The following ADCY3 variants were observed in gnomAD, a reference collection of about 807,000 sequenced individuals.
ADCY3 encodes the protein adenylate cyclase type 3.
A neutral mutation model predicts 119.4 loss-of-function variants in ADCY3; 70 were observed. That is an observed-to-expected ratio of 0.59 (90% CI 0.48 to 0.72). The LOEUF (loss-of-function observed/expected upper bound fraction) is 0.72. Among genes scored for constraint, ADCY3 ranks in the 30% least tolerant of loss-of-function variants. ADCY3 has a pLI of 0.00. For synonymous variants in ADCY3, 672 were observed against 621.4 expected (o/e 1.08, Z -1.21); for missense variants, 1,238 against 1,541.6 (o/e 0.80, Z 3.30).
At chr2:24,821,830 G>T in intron 19 of ADCY3, 190 bp from the exon 20 acceptor site, 1 of 780,310 alleles carries the variant, frequency 1.3e-6, no homozygotes. Context: ...TCACGTAGCA[G>T]GTCTAGGCAA....
Position 24,821,519 on chromosome 2 carries a change from A to G in ADCY3, c.3125T>C (p.Ile1042Thr), listed in dbSNP as rs752934161. The change falls in exon 20 of 22, where the codon ATA becomes ACA. Residue 1042 changes from isoleucine (I) to threonine (T), a missense_variant and splice_region_variant. Physicochemically the swap from Ile to Thr is moderately conservative, Grantham distance 89. This residue lies in a region of ADCY3 where 43 missense variants were observed against 77.0 expected (regional missense o/e 0.56). Transcript: ENST00000679454. ...GCAGGCCAGCTGGGGGTGCTCACCTATGCGCAGCATGAAGTTATTGAAGGA... is the reference window on the plus strand; with the variant it reads ...GCAGGCCAGCTGGGGGTGCTCACCTGTGCGCAGCATGAAGTTATTGAAGGA... ...NQSFNNFMLR[I>T]GMNKGGVLAG... 20 of 1,613,894 alleles carry G rather than the reference A, an allele frequency of 1.2e-5. No individual in the cohort carries two copies. In the South Asian group the frequency reaches 1.3e-4, roughly 11 times the overall value.
chr2:24,824,333 G>A, intron 17 of ADCY3, 45 bp downstream of exon 17: 5 of 1,601,524 alleles, frequency 3.1e-6, no homozygotes, highest in South Asian at 1.1e-5. Flanking sequence ...AGAACAGATG[G>A]AGACAAATGG....
intron 3 of ADCY3, among the ~76,000 whole-genome samples, chr2:24,849,060 C>T (rs558652746): frequency 1.3e-5 from 2 of 152,182 alleles, no homozygotes; most frequent in East Asian, 3.9e-4. Flanking sequence ...CAGGGAGGGA[C>T]GTGGAACGTG....
At chr2:24,861,077 C>T (rs1280418253) in intron 3 of ADCY3, among the ~76,000 whole-genome samples, 1 of 152,100 alleles carries the variant, frequency 6.6e-6, no homozygotes, top group Non-Finnish European at 1.5e-5. Context: ...ATGGTGAAAC[C>T]CCGTCTGTAC....
At position 24,912,529 on chromosome 2, in the gene ADCY3, C is replaced by G. The variant is rs73920607; in HGVS notation, c.675+5784G>C. 4.7e-3 allele frequency among the ~76,000 whole-genome samples: 706 copies of G among 151,478 alleles called. 3 individuals carry two copies. Among genetic ancestry groups the G allele is most frequent in the African/African-American group, 0.015 (616 of 41,276 alleles). ...GGGTTTACCCAGAAGGCTGGGCAGA[C>G]CAAGCCCAGGAGTGAGCACGCATGT... On this transcript the variant is annotated intron_variant, in intron 2 of 21. Transcript: ENST00000679454.
At chr2:24,848,569 G>A (rs375861719) in intron 3 of ADCY3, among the ~76,000 whole-genome samples, 6 of 152,216 alleles carry the variant, frequency 3.9e-5, no homozygotes, top group South Asian at 2.1e-4. Context: ...AGCTGGTCTC[G>A]GCATAAGGCA....
At chr2:24,824,165 A>T (rs1256206605) in intron 17 of ADCY3, among the ~76,000 whole-genome samples, 1 of 152,242 alleles carries the variant, frequency 6.6e-6, no homozygotes, top group African/African-American at 2.4e-5. Context: ...TCAGAGCTGT[A>T]CGGCCCACAT....
At chr2:24,820,669 C>T (rs749262810) in intron 21 of ADCY3, 55 bp downstream of exon 21, 135 of 1,607,482 alleles carry the variant, frequency 8.4e-5, no homozygotes, top group Non-Finnish European at 1.0e-4. Context: ...AGCACTGTTC[C>T]GGTTTTGTTC....
rs538626865 is a variant in ADCY3 at position 24,898,876 on chromosome 2, C to T, written c.675+19437G>A. ...ATAGCTCCAGTTCACACTGGAAACCCTTTCACCGCCAGAGAACTCCAGCGC... is the reference window on the plus strand; with the variant it reads ...ATAGCTCCAGTTCACACTGGAAACCTTTTCACCGCCAGAGAACTCCAGCGC... On this transcript the variant is annotated intron_variant, in intron 2 of 21. Coordinates refer to ENST00000679454, the MANE Select transcript of ADCY3 (RefSeq NM_004036.5). This position sits in a 1 kb window ranked among gnomAD's most constrained non-coding sequence, Gnocchi z 4.3. Among the ~76,000 whole-genome samples the T allele has an allele frequency of 6.6e-6, 1 of 152,294 alleles. No individual in the cohort carries two copies. Among genetic ancestry groups the T allele is most frequent in the East Asian group, 1.9e-4 (1 of 5,174 alleles).
chr2:24,890,934 C>T (rs10164842), intron 2 of ADCY3, among the ~76,000 whole-genome samples: 66,682 of 151,768 alleles, frequency 0.44, 17,241 homozygotes, highest in African/African-American at 0.73. Context: ...CGCAGTGGCA[C>T]GATCTCGGCT....
chr2:24,854,556 T>A (rs1441387112), intron 3 of ADCY3, among the ~76,000 whole-genome samples: 1 of 152,238 alleles, frequency 6.6e-6, no homozygotes, highest in African/African-American at 2.4e-5. Flanking sequence ...GGCGTGTCAC[T>A]GGGACAAGTG....
Position 24,918,207 on chromosome 2 carries a change from G to T in ADCY3, c.675+106C>A. 7.7e-7 allele frequency: 1 copy of T among 1,301,942 alleles called. No individual in the cohort carries two copies. Among genetic ancestry groups the T allele is most frequent in the Non-Finnish European group, 1.1e-6 (1 of 949,422 alleles). 80.6% of individuals were successfully genotyped at this position (1,301,942 alleles called of 1,614,324 possible). On this transcript the variant is annotated intron_variant, in intron 2 of 21. Transcript: ENST00000679454. The surrounding 1 kb of genome is among the most constrained non-coding windows in gnomAD (Gnocchi z 5.4). ...GAGGTGAGAGCCCCGGAGGCCCCCA[G>T]GACACATTTTGACTCAAAGGCAAAG...
At chr2:24,892,549 C>T (rs943237903) in intron 2 of ADCY3, among the ~76,000 whole-genome samples, 1 of 152,140 alleles carries the variant, frequency 6.6e-6, no homozygotes, top group African/African-American at 2.4e-5. Flanking sequence ...CCACTCCCAG[C>T]CAAAGTGTAT....
rs755866000 is a variant in ADCY3, at chr2:24,838,619, G to A, written c.1359C>T (p.Arg453=). 35 of 1,613,772 alleles carry A rather than the reference G, an allele frequency of 2.2e-5. No homozygotes were observed. The highest frequency in any genetic ancestry group is 1.7e-4 in the Middle Eastern group (1 of 5,824). ...NKMEAGGIPG[R]VHISQSTMDC... The stretch of plus-strand genomic sequence containing the variant: ...CCATGGTGCTCTGGGAGATGTGCAC[G>A]CGCCTGGATTGCAGAGAGAGAGGCC... Residue 453 remains arginine, a synonymous_variant, in exon 8 of 22, where the codon CGC becomes CGT. Coordinates refer to ENST00000679454, the MANE Select transcript of ADCY3 (RefSeq NM_004036.5).
chr2:24,835,037 A>G (rs369929297), intron 9 of ADCY3, 101 bp from the exon 10 acceptor site: 4 of 1,419,806 alleles, frequency 2.8e-6, no homozygotes, highest in East Asian at 4.8e-5. Flanking sequence ...AAAAGAGGGC[A>G]TACTCGGAGG....
intron 6 of ADCY3, among the ~76,000 whole-genome samples, chr2:24,840,942 G>A (rs373701636): frequency 6.6e-5 from 10 of 152,238 alleles, no homozygotes; most frequent in African/African-American, 1.4e-4. Flanking sequence ...GGGGGTCCCA[G>A]CAAGTGTGAG....
intron 8 of ADCY3, 51 bp from the exon 9 acceptor site, chr2:24,837,096 G>C: frequency 6.3e-7 from 1 of 1,599,900 alleles, no homozygotes; most frequent in Non-Finnish European, 8.5e-7. Context: ...TGAGAGTGGC[G>C]TGGACAGGTC....
In ADCY3 at chr2:24,819,914, T is replaced by C; in HGVS notation, c.*18A>G. The C allele has an allele frequency of 2.5e-6, 4 of 1,611,808 alleles. No homozygotes were observed. The highest frequency in any genetic ancestry group is 3.4e-6 in the Non-Finnish European group (4 of 1,179,220). ...AAATTCTCCCTTCCGGTTTGGACTG[T>C]TGCAGGCTCGAGGCCATTCAGGAGT... On this transcript the variant is annotated 3_prime_UTR_variant, in exon 22 of 22. Transcript: ENST00000679454.
chr2:24,893,264 G>T (rs899166053), intron 2 of ADCY3, among the ~76,000 whole-genome samples: 1 of 152,100 alleles, frequency 6.6e-6, no homozygotes, highest in East Asian at 1.9e-4. Flanking sequence ...CCAGCTACTT[G>T]GGAGGCTGAG....
Sources: gnomAD v4.1 joint callset for allele counts (sites outside exome capture counted in the v4.1 genomes callset) on GRCh38, gnomAD v4.1.1 for gene constraint, gnomAD v4.1.1 regional missense constraint, Gnocchi (gnomAD v3.1) non-coding constraint, MANE v1.5 for transcripts, NCBI Gene and HGNC (gene_info 2026-07-23, HGNC 2026-07-21) for gene names.